Variants in NDST3 observed in about 807,000 individuals in gnomAD.
NDST3 encodes the protein N-deacetylase and N-sulfotransferase 3.
In NDST3, 58 loss-of-function variants were observed where a neutral mutation model predicts 96.1. The observed-to-expected ratio is 0.60, with a 90% CI of 0.49 to 0.75. The LOEUF (loss-of-function observed/expected upper bound fraction) is 0.75. Among genes scored for constraint, NDST3 ranks in the 30% least tolerant of loss-of-function variants. The probability of loss-of-function intolerance (pLI) is 0.00; values close to 1 mark genes in which losing one functional copy is unlikely to be tolerated. For synonymous variants in NDST3, 333 were observed against 359.7 expected (o/e 0.93, Z 0.84); for missense variants, 788 against 1,034.2 (o/e 0.76, Z 3.27).
At chr4:118,248,025 C>A (rs908058418) in intron 12 of NDST3, among the ~76,000 whole-genome samples, 9 of 152,158 alleles carry the variant, frequency 5.9e-5, no homozygotes, top group Admixed American at 5.2e-4. Flanking sequence ...TTAACCCGCA[C>A]GAGGGTAGAA....
chr4:118,063,187 T>C (rs75771034), intron 2 of NDST3, among the ~76,000 whole-genome samples: 1 of 44,514 alleles, frequency 2.2e-5, no homozygotes, highest in East Asian at 5.4e-4. Context: ...TGAAACTCCG[T>C]TTAAAAAAAA....
chr4:118,137,768 C>A (rs55982607), intron 4 of NDST3, among the ~76,000 whole-genome samples: 2 of 152,022 alleles, frequency 1.3e-5, no homozygotes, highest in South Asian at 4.1e-4. Flanking sequence ...CAGGTGGCTA[C>A]GACAAGGATG....
rs537623618 is a variant in NDST3 at position 118,208,451 on chromosome 4, G to T, written c.1540-16040G>T. Among the ~76,000 whole-genome samples, 5 of 144,116 alleles carry T rather than the reference G, an allele frequency of 3.5e-5. No individual in the cohort carries two copies. In the East Asian group the frequency reaches 9.8e-4, roughly 28 times the overall value. The allele number at this position is 144,116 out of a possible 152,430, so 94.5% of individuals were successfully genotyped here. Reference sequence around the variant, plus strand: ...AATTAAGTCTTTATACAGTACCTTAGCTGACTCTTGTATCTGGGTCAGTCT... The same window carrying T: ...AATTAAGTCTTTATACAGTACCTTATCTGACTCTTGTATCTGGGTCAGTCT... On this transcript the variant is annotated intron_variant, in intron 6 of 13. Coordinates refer to ENST00000296499, the MANE Select transcript of NDST3 (RefSeq NM_004784.3).
intron 6 of NDST3, among the ~76,000 whole-genome samples, chr4:118,211,030 T>C (rs1013976743): frequency 6.6e-6 from 1 of 152,102 alleles, no homozygotes; most frequent in Non-Finnish European, 1.5e-5. Flanking sequence ...TAGAGTAAAA[T>C]CACCCACTGG....
At chr4:118,150,443 A>T (rs1003982392) in intron 6 of NDST3, among the ~76,000 whole-genome samples, 3 of 152,112 alleles carry the variant, frequency 2.0e-5, no homozygotes, top group African/African-American at 7.2e-5. Flanking sequence ...ATCAGAGTGA[A>T]CAAGCAACCT....
At chr4:118,254,788 C>T (rs1169542528) in intron 13 of NDST3, among the ~76,000 whole-genome samples, 1 of 152,178 alleles carries the variant, frequency 6.6e-6, no homozygotes, top group South Asian at 2.1e-4. Context: ...TATTAGAATA[C>T]TTTAACAAAA....
chr4:118,099,003 T>G (rs1729563758), intron 2 of NDST3, among the ~76,000 whole-genome samples: 1 of 152,094 alleles, frequency 6.6e-6, no homozygotes, highest in Non-Finnish European at 1.5e-5. Flanking sequence ...TTGGCAGAAT[T>G]ACAAAGGATT....
At chr4:118,070,603 G>A (rs1010825739) in intron 2 of NDST3, among the ~76,000 whole-genome samples, 21 of 149,716 alleles carry the variant, frequency 1.4e-4, no homozygotes, top group Non-Finnish European at 2.1e-4. Context: ...TATCAAATCC[G>A]TCATCTATGT....
rs1018365101 is a variant in NDST3, at chr4:118,257,870, G to C, written c.*2158G>C. ...ATAGCAGCAGATGCCAGACATGCTA[G>C]GAAAATTACTATAGTCTTCCATCTC... On this transcript the variant is annotated 3_prime_UTR_variant, in exon 14 of 14. Transcript: ENST00000296499. The C allele has an allele frequency of 1.3e-5, 2 of 152,110 alleles. No homozygotes were observed. The highest frequency in any genetic ancestry group is 4.8e-5 in the African/African-American group (2 of 41,424). The allele number at this position is 152,110 out of a possible 1,614,324, so 9.4% of individuals were successfully genotyped here. A position where few individuals can be genotyped will look rare whatever the true frequency, so the allele number is the denominator to read the frequency against.
intron 6 of NDST3, among the ~76,000 whole-genome samples, chr4:118,169,449 AC>A (rs1735777485): frequency 6.6e-6 from 1 of 152,176 alleles, no homozygotes; most frequent in South Asian, 2.1e-4. Context: ...GCTTAAAAAA[AC>A]ATTAATCATT....
chr4:118,168,459 C>T (rs1265465961), intron 6 of NDST3, among the ~76,000 whole-genome samples: 2 of 151,862 alleles, frequency 1.3e-5, no homozygotes, highest in Non-Finnish European at 1.5e-5. Flanking sequence ...AGTCACTAAT[C>T]TCATATATAT....
chr4:118,109,313 G>A (rs946039816), intron 3 of NDST3, among the ~76,000 whole-genome samples: 2 of 152,198 alleles, frequency 1.3e-5, no homozygotes, highest in African/African-American at 4.8e-5. Flanking sequence ...TGTTTAGGGG[G>A]AGAGGGAGAG....
At chr4:118,195,413 T>G (rs1229958705) in intron 6 of NDST3, among the ~76,000 whole-genome samples, 1 of 152,202 alleles carries the variant, frequency 6.6e-6, no homozygotes, top group Non-Finnish European at 1.5e-5. Flanking sequence ...AGTTCCCCTG[T>G]ACAAGCTCTC....
chr4:118,158,588 A>G (rs1734866467), intron 6 of NDST3, among the ~76,000 whole-genome samples: 1 of 152,248 alleles, frequency 6.6e-6, no homozygotes, highest in South Asian at 2.1e-4. Context: ...AGAAACATCA[A>G]TAGTTGCTGA....
At chr4:118,064,654 T>C (rs1407529115) in intron 2 of NDST3, among the ~76,000 whole-genome samples, 1 of 152,210 alleles carries the variant, frequency 6.6e-6, no homozygotes, top group Admixed American at 6.6e-5. Flanking sequence ...GGATTATTAA[T>C]AGTTATTAGT....
chr4:118,070,024 G>A (rs1726921123), intron 2 of NDST3, among the ~76,000 whole-genome samples: 1 of 152,092 alleles, frequency 6.6e-6, no homozygotes. Context: ...TGTTCCTGCA[G>A]TGAGCAACTT....
At chr4:118,055,408 A>G (rs1725356378) in intron 2 of NDST3, 1 of 177,236 alleles carries the variant, frequency 5.6e-6, no homozygotes, top group Admixed American at 5.7e-5. Context: ...ATGAAGATCA[A>G]TGACTGTATA....
intron 1 of NDST3, among the ~76,000 whole-genome samples, chr4:118,037,250 T>C (rs1462397805): frequency 2.0e-5 from 3 of 152,160 alleles, no homozygotes; most frequent in East Asian, 1.9e-4. Flanking sequence ...ATAAGTACTA[T>C]TGTCTAGATT....
intron 10 of NDST3, among the ~76,000 whole-genome samples, chr4:118,238,145 G>GAA (rs1218051129): frequency 8.2e-6 from 1 of 121,346 alleles, no homozygotes; most frequent in African/African-American, 3.2e-5. Context: ...GAGAGAGAGA[G>GAA]AAAAGAAAGA....
Sources: gnomAD v4.1 joint callset for allele counts (sites outside exome capture counted in the v4.1 genomes callset) on GRCh38, gnomAD v4.1.1 for gene constraint, MANE v1.5 for transcripts, NCBI Gene and HGNC (gene_info 2026-07-23, HGNC 2026-07-21) for gene names.